The following LPIN1 variants were observed in gnomAD, a reference collection of about 807,000 sequenced individuals.
LPIN1 encodes the protein lipin 1, also known as phosphatidate phosphatase LPIN1.
In LPIN1, 71 loss-of-function variants were observed where a neutral mutation model predicts 107.5. The ratio of observed to expected loss-of-function variants is 0.66; its 90% CI spans 0.55 to 0.80. LPIN1 has a LOEUF of 0.80. Ranked by LOEUF, LPIN1 falls within the 30% of genes least tolerant of loss-of-function variation. The pLI is 0.00. For missense variants in LPIN1, 1,043 were observed against 1,160.6 expected, an observed-to-expected ratio of 0.90 and a Z score of 1.47; for synonymous variants, 445 against 452.6, an observed-to-expected ratio of 0.98 and a Z score of 0.21.
chr2:11,785,174 C>G, intron 10 of LPIN1, 98 bp downstream of exon 10: 2 of 932,434 alleles, frequency 2.1e-6, no homozygotes, highest in South Asian at 3.5e-5. Context: ...GCAGCTTTTC[C>G]CTTGGTTGCG....
At chr2:11,775,813 G>A (rs1672568140) in intron 5 of LPIN1, among the ~76,000 whole-genome samples, 1 of 148,702 alleles carries the variant, frequency 6.7e-6, no homozygotes. Context: ...GTTGAGAGTA[G>A]TCAAATACTT....
At chr2:11,802,020 G>C (rs747639316) in intron 14 of LPIN1, among the ~76,000 whole-genome samples, 8 of 152,156 alleles carry the variant, frequency 5.3e-5, no homozygotes, top group Non-Finnish European at 1.0e-4. Flanking sequence ...AGGCTTTGTA[G>C]GAAGGCAAAG....
At chr2:11,758,262 T>G (rs947008281) in intron 1 of LPIN1, among the ~76,000 whole-genome samples, 1 of 128,596 alleles carries the variant, frequency 7.8e-6, no homozygotes, top group African/African-American at 3.8e-5. Flanking sequence ...CTGCTTTCAG[T>G]TTTTTTTTTT....
intron 1 of LPIN1, among the ~76,000 whole-genome samples, chr2:11,755,993 T>G (rs567088902): frequency 1.3e-5 from 2 of 152,308 alleles, no homozygotes; most frequent in East Asian, 3.9e-4. Context: ...AGTGCTGGGA[T>G]CACAGGCATA....
At chr2:11,819,417 TA>T in intron 18 of LPIN1, 66 bp from the exon 19 acceptor site, 1 of 1,063,558 alleles carries the variant, frequency 9.4e-7, no homozygotes, top group Non-Finnish European at 1.5e-6. Flanking sequence ...CTTTGTCAGC[TA>T]AAAACAGTTT....
Position 11,759,177 on chromosome 2 carries a change from CTTTCTTTCTTTCT to C in LPIN1, c.-9-6340_-9-6328del, listed in dbSNP as rs1282074555. 4.6e-3 allele frequency among the ~76,000 whole-genome samples: 654 copies of C among 142,324 alleles called. 5 individuals carry two copies. Among genetic ancestry groups the C allele is most frequent in the African/African-American group, 0.016 (596 of 37,772 alleles). 93.4% of individuals were successfully genotyped at this position (142,324 alleles called of 152,430 possible). ...TCTTTCTTTCTTTCTTTCTTTCTTT[CTTTCTTTCTTTCT>C]TTTCTTTCTTTCTTTCTCATTCTTG... On this transcript the variant is annotated intron_variant, in intron 1 of 20. Transcript: ENST00000674199.
intron 17 of LPIN1, among the ~76,000 whole-genome samples, chr2:11,813,950 C>T (rs972920025): frequency 6.6e-6 from 1 of 152,094 alleles, no homozygotes; most frequent in African/African-American, 2.4e-5. Context: ...TGAAATGGAC[C>T]TGCTAACGCA....
At chr2:11,753,390 G>A (rs72773985) in intron 1 of LPIN1, among the ~76,000 whole-genome samples, 4,009 of 152,290 alleles carry the variant, frequency 0.026, 63 homozygotes, top group Non-Finnish European at 0.041. Context: ...ACGAACCCTG[G>A]CATGCCAAGA....
intron 2 of LPIN1, among the ~76,000 whole-genome samples, chr2:11,715,643 T>C (rs1030831755): frequency 2.6e-5 from 4 of 152,012 alleles, no homozygotes; most frequent in African/African-American, 9.7e-5. Flanking sequence ...TTGTATCAGC[T>C]TGTGTGGGTG....
At chr2:11,696,534 G>A (rs1009210773) in intron 1 of LPIN1, among the ~76,000 whole-genome samples, 7 of 152,122 alleles carry the variant, frequency 4.6e-5, no homozygotes, top group African/African-American at 1.7e-4. Flanking sequence ...CACCAAGACG[G>A]TGCTAGAGCC....
At chr2:11,789,865 T>C in intron 12 of LPIN1, among the ~76,000 whole-genome samples, 1 of 152,270 alleles carries the variant, frequency 6.6e-6, no homozygotes, top group Non-Finnish European at 1.5e-5. Context: ...TTAGTCCTTG[T>C]GATATGCATG....
At chr2:11,753,938 A>G (rs1572582880) in intron 1 of LPIN1, among the ~76,000 whole-genome samples, 1 of 152,280 alleles carries the variant, frequency 6.6e-6, no homozygotes, top group East Asian at 1.9e-4. Context: ...TAACAGCGTG[A>G]TGTTTGTGAC....
At chr2:11,702,708 T>A (rs149516821) in intron 1 of LPIN1, among the ~76,000 whole-genome samples, 4 of 152,262 alleles carry the variant, frequency 2.6e-5, no homozygotes, top group Admixed American at 6.5e-5. Flanking sequence ...TGGGTCAACC[T>A]CCCCTTGCTC....
chr2:11,804,532 A>G lies in LPIN1; in HGVS notation c.2123A>G (p.Asp708Gly). 6.2e-7 allele frequency: 1 copy of G among 1,614,232 alleles called. No homozygotes were observed. Among genetic ancestry groups the G allele is most frequent in the Non-Finnish European group, 8.5e-7 (1 of 1,180,044 alleles). ...ACCATCTATCTGTGGAACTGGGATG[A>G]TAAAGTCATCATTTCTGATATTGAT... Reference protein sequence around the residue: ...EGTIYLWNWDDKVIISDIDGT... With the variant: ...EGTIYLWNWDGKVIISDIDGT... Residue 708 changes from aspartate to glycine, a missense_variant, in exon 16 of 21, where the codon GAT (aspartate) becomes GGT (glycine). Coordinates refer to ENST00000674199, the MANE Select transcript of LPIN1 (RefSeq NM_001349206.2).
Position 11,783,878 on chromosome 2 carries a change from C to T in LPIN1, c.1314C>T (p.Leu438=), listed in dbSNP as rs773982916. 6.3e-5 allele frequency: 102 copies of T among 1,614,078 alleles called. No homozygotes were observed. The Admixed American group carries it at 1.7e-3, about 27-fold the overall frequency. Residue 438 remains leucine, a synonymous_variant, in exon 9 of 21, where the codon CTC becomes CTT. Transcript: ENST00000674199. ...CTGACGGCGTCTACTTGGATGACCTCACAGACATGGATCCTGAAGTGGCGG... is the reference window on the plus strand; with the variant it reads ...CTGACGGCGTCTACTTGGATGACCTTACAGACATGGATCCTGAAGTGGCGG... The part of the protein sequence containing the change: ...LGADGVYLDD[L]TDMDPEVAAL...
chr2:11,715,959 C>T (rs1558744440), intron 2 of LPIN1, among the ~76,000 whole-genome samples: 1 of 152,142 alleles, frequency 6.6e-6, no homozygotes, highest in Non-Finnish European at 1.5e-5. Context: ...GATCTGCAGT[C>T]CTGTGAGAGT....
At chr2:11,713,302 A>G (rs971702498) in intron 1 of LPIN1, among the ~76,000 whole-genome samples, 3 of 152,098 alleles carry the variant, frequency 2.0e-5, no homozygotes, top group Admixed American at 1.3e-4. Context: ...ATGGATTTTC[A>G]CTCTTTTGCT....
Position 11,765,781 on chromosome 2 carries a change from T to G in LPIN1, c.192+48T>G, listed in dbSNP as rs1416910148. ...CCTGGCACCGGCTCTCCTTAGAGAATGCCCTTGTACTCTGGTGATGCCACC... is the reference window on the plus strand; with the variant it reads ...CCTGGCACCGGCTCTCCTTAGAGAAGGCCCTTGTACTCTGGTGATGCCACC... On this transcript the variant is annotated intron_variant, in intron 2 of 20. Coordinates refer to ENST00000674199, the MANE Select transcript of LPIN1 (RefSeq NM_001349206.2). This position sits in a 1 kb window ranked among gnomAD's most constrained non-coding sequence, Gnocchi z 4.4. 6.4e-7 allele frequency: 1 copy of G among 1,556,588 alleles called. No homozygotes were observed. The highest frequency in any genetic ancestry group is 2.3e-5 in the East Asian group (1 of 44,402).
intron 12 of LPIN1, among the ~76,000 whole-genome samples, chr2:11,789,120 A>G (rs539758587): frequency 2.6e-5 from 4 of 152,318 alleles, no homozygotes; most frequent in East Asian, 3.9e-4. Flanking sequence ...TGCTGCAGAG[A>G]CTGCCTTAGG....
Sources: gnomAD v4.1 joint callset for allele counts (sites outside exome capture counted in the v4.1 genomes callset) on GRCh38, gnomAD v4.1.1 for gene constraint, Gnocchi (gnomAD v3.1) non-coding constraint, MANE v1.5 for transcripts, NCBI Gene and HGNC (gene_info 2026-07-23, HGNC 2026-07-21) for gene names.